RAB38: variants seen among roughly 807,000 people sequenced by gnomAD.
The protein encoded by RAB38 is ras-related protein Rab-38.
RAB38 carries 15 observed loss-of-function variants against 18.4 expected under a neutral mutation model. The ratio of observed to expected loss-of-function variants is 0.82; its 90% CI spans 0.55 to 1.26. RAB38 has a LOEUF of 1.26. Ranked by LOEUF, RAB38 falls within the 50% of genes most tolerant of loss-of-function variation. RAB38 has a pLI of 0.00. For synonymous variants in RAB38, 101 were observed against 104.4 expected, an observed-to-expected ratio of 0.97 and a Z score of 0.20; for missense variants, 294 against 267.4, an observed-to-expected ratio of 1.10 and a Z score of -0.69.
chr11:88,019,865 T>C, the RAB38 span, among the ~76,000 whole-genome samples: 3,190 of 152,302 alleles, frequency 0.021, 97 homozygotes, highest in African/African-American at 0.071. Flanking sequence ...TTTTCGGTCC[T>C]AGAATTATCC....
chr11:88,026,803 T>C, the RAB38 span, among the ~76,000 whole-genome samples: 6 of 152,208 alleles, frequency 3.9e-5, no homozygotes, highest in East Asian at 9.7e-4. Context: ...AAATCATTAA[T>C]TGGTACTAAA....
chr11:87,841,573 T>G, the RAB38 span, among the ~76,000 whole-genome samples: 1 of 152,212 alleles, frequency 6.6e-6, no homozygotes, highest in Non-Finnish European at 1.5e-5. Flanking sequence ...AGAGTGTGTA[T>G]TCTCTGTTTA....
the RAB38 span, among the ~76,000 whole-genome samples, chr11:88,054,515 C>G: frequency 3.9e-5 from 6 of 152,228 alleles, no homozygotes; most frequent in Non-Finnish European, 8.8e-5. Context: ...ATGCTGAGAA[C>G]TGTATAGCTG....
At chr11:87,874,683 ATAAAT>A in the RAB38 span, among the ~76,000 whole-genome samples, 9 of 150,484 alleles carry the variant, frequency 6.0e-5, no homozygotes, top group Non-Finnish European at 8.9e-5. Context: ...ATAAAATAAA[ATAAAT>A]TAAAAAATGC....
the RAB38 span, among the ~76,000 whole-genome samples, chr11:88,009,002 G>C: frequency 6.6e-6 from 1 of 152,084 alleles, no homozygotes; most frequent in African/African-American, 2.4e-5. Flanking sequence ...AACAAACGTG[G>C]TCTCTAACAA....
chr11:87,874,688 T>A, the RAB38 span, among the ~76,000 whole-genome samples: 6 of 150,352 alleles, frequency 4.0e-5, no homozygotes, highest in South Asian at 4.2e-4. Context: ...ATAAAATAAA[T>A]TAAAAAATGC....
Position 88,149,682 on chromosome 11 carries a change from G to A in RAB38, c.476C>T (p.Ser159Leu). 6.2e-7 allele frequency: 1 copy of A among 1,607,876 alleles called. No homozygotes were observed. The highest frequency in any genetic ancestry group is 8.5e-7 in the Non-Finnish European group (1 of 1,175,272). The change falls in exon 2 of 3, where the codon TCA becomes TTA. Residue 159 changes from serine to leucine, a missense_variant. Ser to Leu is a moderately radical substitution (Grantham distance 145, BLOSUM62 -2). Transcript: ENST00000243662. ...EHGFVGWFETSAKENINIDEA... is the reference protein window; with the variant it reads ...EHGFVGWFETLAKENINIDEA... ...TATTTAAAGTCACATTACCTTTGCT[G>A]ATGTTTCAAACCATCCTACGAAACC...
chr11:87,930,630 A>G, the RAB38 span, among the ~76,000 whole-genome samples: 1 of 152,122 alleles, frequency 6.6e-6, no homozygotes, highest in Non-Finnish European at 1.5e-5. Flanking sequence ...TTAGACATGA[A>G]GCATTTGACC....
the RAB38 span, among the ~76,000 whole-genome samples, chr11:87,976,516 TA>T: frequency 0.025 from 3 of 118 alleles, no homozygotes; most frequent in Admixed American, 0.17. Flanking sequence ...AATATATTTA[TA>T]TTTTATATAT....
chr11:88,173,582 C>T, intron 1 of RAB38: 2 of 985,416 alleles, frequency 2.0e-6, no homozygotes, highest in Non-Finnish European at 2.4e-6. Context: ...CTGGATTGTA[C>T]ACAGAAGTCC....
At chr11:87,960,384 AAAAG>A in the RAB38 span, among the ~76,000 whole-genome samples, 1 of 149,876 alleles carries the variant, frequency 6.7e-6, no homozygotes, top group Non-Finnish European at 1.5e-5. Context: ...GACAACAAAA[AAAAG>A]AAAAAAAGAG....
the RAB38 span, among the ~76,000 whole-genome samples, chr11:87,910,826 G>A: frequency 1.3e-5 from 2 of 151,496 alleles, no homozygotes; most frequent in Admixed American, 6.6e-5. Context: ...TAGTAGAGAC[G>A]GGGTTTCACC....
At chr11:87,947,556 A>C in the RAB38 span, among the ~76,000 whole-genome samples, 1 of 151,888 alleles carries the variant, frequency 6.6e-6, no homozygotes, top group African/African-American at 2.4e-5. Context: ...ATCTTGAATT[A>C]ATTTTTGTAT....
At chr11:87,900,811 CA>C in the RAB38 span, among the ~76,000 whole-genome samples, 2 of 147,178 alleles carry the variant, frequency 1.4e-5, no homozygotes, top group South Asian at 2.2e-4. Context: ...AGAAATAAAG[CA>C]AAAAAGGAAA....
At chr11:88,025,916 T>G in the RAB38 span, among the ~76,000 whole-genome samples, 1 of 152,128 alleles carries the variant, frequency 6.6e-6, no homozygotes, top group Admixed American at 6.6e-5. Context: ...CAGGTGATTT[T>G]GAGGACTTAC....
chr11:87,836,620 G>A, the RAB38 span, among the ~76,000 whole-genome samples: 1 of 152,126 alleles, frequency 6.6e-6, no homozygotes, highest in African/African-American at 2.4e-5. Flanking sequence ...TCTAGCTAGA[G>A]TCTTCTATGT....
the RAB38 span, among the ~76,000 whole-genome samples, chr11:87,938,581 GT>G: frequency 3.7e-5 from 5 of 134,088 alleles, no homozygotes; most frequent in African/African-American, 8.7e-5. Flanking sequence ...TGTTTGAAAG[GT>G]TTTTTTTTCT....
At chr11:87,930,731 T>G in the RAB38 span, among the ~76,000 whole-genome samples, 2 of 152,206 alleles carry the variant, frequency 1.3e-5, no homozygotes, top group East Asian at 3.9e-4. Context: ...CCATCTTGAA[T>G]TAATTTTTGT....
At chr11:87,882,341 G>A in the RAB38 span, among the ~76,000 whole-genome samples, 2 of 151,952 alleles carry the variant, frequency 1.3e-5, no homozygotes, top group South Asian at 4.1e-4. Flanking sequence ...AAACTTTGGT[G>A]TATATCAGAA....
Sources: gnomAD v4.1 joint callset for allele counts (sites outside exome capture counted in the v4.1 genomes callset) on GRCh38, gnomAD v4.1.1 for gene constraint, MANE v1.5 for transcripts, NCBI Gene and HGNC (gene_info 2026-07-23, HGNC 2026-07-21) for gene names.